The following ZNF429 variants were observed in gnomAD, a reference collection of about 807,000 sequenced individuals.
ZNF429 encodes the protein zinc finger protein 429.
Under a neutral mutation model 56.8 loss-of-function variants are expected in ZNF429, and 53 were observed. The observed-to-expected ratio is 0.93, with a 90% CI of 0.75 to 1.17. The LOEUF (loss-of-function observed/expected upper bound fraction) is 1.17. ZNF429 is among the 50% of genes most tolerant of loss of function. The pLI, the probability that ZNF429 is intolerant of heterozygous loss-of-function variation, is 0.00. For missense variants in ZNF429, 849 were observed against 788.4 expected (o/e 1.08, Z -0.92); for synonymous variants, 278 against 264.7 (o/e 1.05, Z -0.49).
Position 21,538,016 on chromosome 19 carries a change from A to T in ZNF429, c.1963A>T (p.Ser655Cys). 1 of 1,611,926 alleles carries T rather than the reference A, an allele frequency of 6.2e-7. No individual in the cohort carries two copies. The highest frequency in any genetic ancestry group is 2.2e-5 in the East Asian group (1 of 44,832). Residue 655 changes from serine (S) to cysteine (C), a missense_variant, in exon 4 of 4, where the codon AGC (serine) becomes TGC (cysteine). Transcript: ENST00000358491. ...MGVVAHACNPSTLGGRGGRIT... is the reference protein window; with the variant it reads ...MGVVAHACNPCTLGGRGGRIT... ...TGTGGTGGCTCATGCCTGTAATCCC[A>T]GCACTTTGGGAGGCAGAGGTGGGCG...
intron 1 of ZNF429, 172 bp downstream of exon 1, chr19:21,505,946 T>A: frequency 1.6e-6 from 1 of 617,880 alleles, no homozygotes; most frequent in Non-Finnish European, 2.8e-6. Flanking sequence ...GCGACTGTGC[T>A]GACAGCCGGG....
Position 21,537,444 on chromosome 19 carries a change from G to A in ZNF429, c.1391G>A (p.Arg464Gln), listed in dbSNP as rs771900629. The A allele has an allele frequency of 9.3e-6, 15 of 1,612,632 alleles. No homozygotes were observed. Among genetic ancestry groups the A allele is most frequent in the East Asian group, 8.9e-5 (4 of 44,766 alleles). ...AACGAATGTGGCAAAGCTTTTAACCGGTCCTCACACCTTACTAGCCATAGG... is the reference window on the plus strand; with the variant it reads ...AACGAATGTGGCAAAGCTTTTAACCAGTCCTCACACCTTACTAGCCATAGG... ...KCNECGKAFN[R>Q]SSHLTSHRRI... is the part of the protein sequence containing the mutation. Residue 464 changes from arginine (R) to glutamine (Q), a missense_variant, in exon 4 of 4, where the codon CGG (arginine) becomes CAG (glutamine). Transcript: ENST00000358491.
At chr19:21,531,260 G>A in intron 3 of ZNF429, among the ~76,000 whole-genome samples, 10 of 152,082 alleles carry the variant, frequency 6.6e-5, no homozygotes, top group African/African-American at 2.4e-4. Flanking sequence ...AACTAAAGGT[G>A]GACCCTAGTA....
Position 21,535,376 on chromosome 19 carries a change from TCTTTTTTA to T in ZNF429, c.227-899_227-892del. Reference sequence around the variant, plus strand: ...TTCTTTTCTTCTTTCTTTCTTTCTTTCTTTTTTACTTTCTTTCTTTCTTTCTTTCTTTT... The same window carrying T: ...TTCTTTTCTTCTTTCTTTCTTTCTTTCTTTCTTTCTTTCTTTCTTTCTTTT... On this transcript the variant is annotated intron_variant, in intron 3 of 3. Transcript: ENST00000358491. Among the ~76,000 whole-genome samples, 152 of 68,654 alleles carry T rather than the reference TCTTTTTTA, an allele frequency of 2.2e-3. 20 individuals are homozygous for T. Among genetic ancestry groups the T allele is most frequent in the African/African-American group, 9.7e-3 (145 of 15,022 alleles). 45.0% of individuals were successfully genotyped at this position (68,654 alleles called of 152,430 possible). A position where few individuals can be genotyped will look rare whatever the true frequency, so the allele number is the denominator to read the frequency against.
intron 3 of ZNF429, 50 bp from the exon 4 acceptor site, chr19:21,536,230 A>G: frequency 6.6e-7 from 1 of 1,508,332 alleles, no homozygotes; most frequent in Non-Finnish European, 8.9e-7. Context: ...TGACGTATAT[A>G]TATCTGAGTC....
chr19:21,509,392 T>C (rs1394775533), intron 1 of ZNF429, among the ~76,000 whole-genome samples: 1 of 152,246 alleles, frequency 6.6e-6, no homozygotes, highest in Non-Finnish European at 1.5e-5. Context: ...AATGTAAGCA[T>C]TGTAAAATTG....
At chr19:21,530,350 G>A in intron 2 of ZNF429, among the ~76,000 whole-genome samples, 1 of 151,952 alleles carries the variant, frequency 6.6e-6, no homozygotes, top group Non-Finnish European at 1.5e-5. Flanking sequence ...AAATATTGTT[G>A]CCCACACCTT....
chr19:21,521,115 T>A (rs1190886303), intron 1 of ZNF429, among the ~76,000 whole-genome samples: 1 of 152,200 alleles, frequency 6.6e-6, no homozygotes, highest in African/African-American at 2.4e-5. Context: ...ACTACAAAAT[T>A]GTTACAGTAG....
Position 21,532,794 on chromosome 19 carries a change from G to T in ZNF429, c.226+2110G>T. Among the ~76,000 whole-genome samples the T allele has an allele frequency of 1.6e-3, 243 of 151,814 alleles. 6 individuals carry two copies. In the East Asian group the frequency reaches 0.039, roughly 24 times the overall value. Reference sequence around the variant, plus strand: ...GTTCACTGCAACCTCGGCCTCCCGGGTTCAAGCGATTCTCCAACCTCAGCC... The same window carrying T: ...GTTCACTGCAACCTCGGCCTCCCGGTTTCAAGCGATTCTCCAACCTCAGCC... On this transcript the variant is annotated intron_variant, in intron 3 of 3. Coordinates refer to ENST00000358491, the MANE Select transcript of ZNF429 (RefSeq NM_001001415.4).
At position 21,537,215 on chromosome 19, in the gene ZNF429, A is replaced by T; in HGVS notation, c.1162A>T (p.Lys388Ter). 1 of 1,613,884 alleles carries T rather than the reference A, an allele frequency of 6.2e-7. No individual in the cohort carries two copies. The highest frequency in any genetic ancestry group is 1.7e-5 in the Admixed American group (1 of 60,008). ...FNQSSRLTRH[K>*]KIHTGEEPYK... is the part of the protein sequence containing the mutation. The stretch of plus-strand genomic sequence containing the variant: ...CCAGTCTTCAAGACTTACTCGACAT[A>T]AAAAAATTCATACTGGAGAGGAACC... Residue 388 changes from lysine to a stop codon, truncating the protein, a stop_gained, in exon 4 of 4, where the codon AAA becomes TAA. Coordinates refer to ENST00000358491, the MANE Select transcript of ZNF429 (RefSeq NM_001001415.4). LOFTEE classifies it high-confidence loss of function.
intron 1 of ZNF429, among the ~76,000 whole-genome samples, chr19:21,520,206 C>T (rs1280422588): frequency 6.6e-6 from 1 of 152,086 alleles, no homozygotes; most frequent in Non-Finnish European, 1.5e-5. Flanking sequence ...CTGCTTTTTC[C>T]TTCATAAACA....
chr19:21,527,179 C>T (rs1251491977), intron 1 of ZNF429, among the ~76,000 whole-genome samples: 3 of 152,164 alleles, frequency 2.0e-5, no homozygotes, highest in Non-Finnish European at 4.4e-5. Flanking sequence ...GTTACATCAG[C>T]ACCGATGGGA....
At chr19:21,535,346 TTC>T in intron 3 of ZNF429, among the ~76,000 whole-genome samples, 1 of 104,560 alleles carries the variant, frequency 9.6e-6, no homozygotes, top group African/African-American at 3.4e-5. Flanking sequence ...TTTCTTTCCT[TTC>T]CTTTCTTTTC....
intron 3 of ZNF429, among the ~76,000 whole-genome samples, chr19:21,532,566 G>C: frequency 6.6e-6 from 1 of 152,130 alleles, no homozygotes; most frequent in Admixed American, 6.6e-5. Flanking sequence ...AAAGCAGTCA[G>C]ATTATGCAGT....
chr19:21,538,277 C>CAAAAAAAAAAAAAA lies in ZNF429; in HGVS notation c.*208_*221dup, dbSNP rs531427318. ...TGGGTGACAGAGCCAGACTCCATCT[C>CAAAAAAAAAAAAAA]AAAAAAAAAAAAAAAAAAAAAAGAA... On this transcript the variant is annotated 3_prime_UTR_variant, in exon 4 of 4. Transcript: ENST00000358491. 2.9e-5 allele frequency among the ~76,000 whole-genome samples: 1 copy of CAAAAAAAAAAAAAA among 34,382 alleles called. No homozygotes were observed. 22.6% of individuals were successfully genotyped at this position (34,382 alleles called of 152,430 possible). A position where few individuals can be genotyped will look rare whatever the true frequency, so the allele number is the denominator to read the frequency against.
At chr19:21,511,490 A>C (rs1488918419) in intron 1 of ZNF429, among the ~76,000 whole-genome samples, 1 of 151,960 alleles carries the variant, frequency 6.6e-6, no homozygotes, top group African/African-American at 2.4e-5. Context: ...GTGGCCAGGC[A>C]GAGATGCTCC....
intron 1 of ZNF429, among the ~76,000 whole-genome samples, chr19:21,528,100 T>C (rs2033233487): frequency 6.6e-6 from 1 of 152,192 alleles, no homozygotes; most frequent in Admixed American, 6.5e-5. Flanking sequence ...TTATGTGCCA[T>C]GCAGAATTCT....
chr19:21,506,225 G>A (rs1214275636), intron 1 of ZNF429: 1 of 153,504 alleles, frequency 6.5e-6, no homozygotes, highest in Non-Finnish European at 1.5e-5. Context: ...AGTTTGCTGG[G>A]AGGCGGGCAG....
At chr19:21,520,626 A>G (rs567338603) in intron 1 of ZNF429, among the ~76,000 whole-genome samples, 4 of 152,196 alleles carry the variant, frequency 2.6e-5, no homozygotes, top group Non-Finnish European at 5.9e-5. Flanking sequence ...TGTTTAGATT[A>G]AAGCTCATTT....
Sources: allele counts gnomAD v4.1 joint callset (sites outside exome capture counted in the v4.1 genomes callset), GRCh38; gene constraint gnomAD v4.1.1; transcripts MANE v1.5; gene names NCBI Gene and HGNC (gene_info 2026-07-23, HGNC 2026-07-21).